The following MCF2L2 variants were observed in gnomAD, a reference collection of about 807,000 sequenced individuals.
MCF2L2 encodes the protein MCF.2 cell line derived transforming sequence-like 2, also known as probable guanine nucleotide exchange factor MCF2L2.
Under a neutral mutation model 150.2 loss-of-function variants are expected in MCF2L2, and 102 were observed. That is an observed-to-expected ratio of 0.68 (90% confidence interval 0.58 to 0.80). The LOEUF (loss-of-function observed/expected upper bound fraction) is 0.80, where lower values mean the gene tolerates loss of function less well. Among genes scored for constraint, MCF2L2 ranks in the 30% least tolerant of loss-of-function variants. MCF2L2 has a pLI of 0.00. For missense variants in MCF2L2, 1,256 were observed against 1,372.8 expected, an observed-to-expected ratio of 0.91 and a Z score of 1.34; for synonymous variants, 465 against 491.3, an observed-to-expected ratio of 0.95 and a Z score of 0.71.
At chr3:183,409,557 T>C (rs78430549) in intron 1 of MCF2L2, among the ~76,000 whole-genome samples, 21,983 of 149,404 alleles carry the variant, frequency 0.15, 1,855 homozygotes, top group South Asian at 0.22. Flanking sequence ...ATTTCTTTTT[T>C]TTTTTTTTTT....
At chr3:183,321,228 A>G (rs938385394) in intron 6 of MCF2L2, among the ~76,000 whole-genome samples, 1 of 152,258 alleles carries the variant, frequency 6.6e-6, no homozygotes, top group Admixed American at 6.5e-5. Context: ...ACTTGAGGTC[A>G]GGAGTTCAAG....
intron 15 of MCF2L2, among the ~76,000 whole-genome samples, chr3:183,265,058 C>T (rs1186989632): frequency 1.3e-5 from 2 of 152,208 alleles, no homozygotes; most frequent in African/African-American, 4.8e-5. Context: ...TCTTTGTCCT[C>T]TTCTCTCCCA....
In MCF2L2 at chr3:183,304,738, T is replaced by C. The variant is rs568153993; in HGVS notation, c.1114-4542A>G. On this transcript the variant is annotated intron_variant, in intron 10 of 29. Coordinates refer to ENST00000328913, the MANE Select transcript of MCF2L2 (RefSeq NM_015078.4). ...ATTCACCCGCCTCGGCCTCCCAAAG[T>C]GCTAGGATTACAGGCGTGAGCCACC... Among the ~76,000 whole-genome samples the C allele has an allele frequency of 2.6e-5, 4 of 151,980 alleles. No individual in the cohort carries two copies. The East Asian group carries it at 7.7e-4, about 29-fold the overall frequency.
intron 7 of MCF2L2, among the ~76,000 whole-genome samples, chr3:183,315,938 G>A (rs538251153): frequency 2.0e-5 from 3 of 152,104 alleles, no homozygotes; most frequent in Non-Finnish European, 4.4e-5. Flanking sequence ...TCTGCTCTTC[G>A]ACCTCTCCAC....
rs188196824 is a variant in MCF2L2 at position 183,197,928 on chromosome 3, A to G, written c.2885-2673T>C. 1.0e-3 allele frequency among the ~76,000 whole-genome samples: 154 copies of G among 152,320 alleles called. No homozygotes were observed. The highest frequency in any genetic ancestry group is 3.5e-3 in the African/African-American group (146 of 41,580). On this transcript the variant is annotated intron_variant, in intron 25 of 29. Coordinates refer to ENST00000328913, the MANE Select transcript of MCF2L2 (RefSeq NM_015078.4). This position sits in a 1 kb window ranked among gnomAD's most constrained non-coding sequence, Gnocchi z 4.5. ...AATCTGAAAATTTAAAAGACTGACA[A>G]TACCAAGTATTGGTGAGGACATGGC...
intron 3 of MCF2L2, chr3:183,376,708 T>G (rs1326955307): frequency 6.6e-6 from 1 of 152,182 alleles, no homozygotes; most frequent in Non-Finnish European, 1.5e-5. Context: ...CATAAATGTT[T>G]TACATGGCAC....
rs780774990 is a variant in MCF2L2, at chr3:183,379,320, C to T, written c.252G>A (p.Met84Ile). The T allele has an allele frequency of 1.2e-5, 19 of 1,610,992 alleles. No homozygotes were observed. The highest frequency in any genetic ancestry group is 1.6e-5 in the Non-Finnish European group (19 of 1,178,732). Reference sequence around the variant, plus strand: ...ACCTGGGGATGCTAGTCAGGTAGGTCATGACATTCAGGAAGTCTTCATCTG... The same window carrying T: ...ACCTGGGGATGCTAGTCAGGTAGGTTATGACATTCAGGAAGTCTTCATCTG... ...HIPDEDFLNV[M>I]TYLTSIPSVE... is the part of the protein sequence containing the mutation. The change falls in exon 3 of 30, where the codon ATG (methionine) becomes ATA (isoleucine). Residue 84 changes from methionine (M) to isoleucine (I), a missense_variant. Physicochemically the swap from Met to Ile is conservative, Grantham distance 10. Transcript: ENST00000328913.
intron 22 of MCF2L2, among the ~76,000 whole-genome samples, chr3:183,208,895 G>T (rs61658507): frequency 1.3e-5 from 2 of 152,180 alleles, no homozygotes; most frequent in African/African-American, 4.8e-5. Flanking sequence ...AACATTAAAA[G>T]AAAAACTTCA....
chr3:183,351,208 A>G (rs1467749132), intron 3 of MCF2L2, among the ~76,000 whole-genome samples: 6 of 77,282 alleles, frequency 7.8e-5, no homozygotes, highest in East Asian at 9.6e-4. Flanking sequence ...ATATATATAT[A>G]TATATATATA....
chr3:183,287,791 T>G (rs1161460394), intron 14 of MCF2L2: 7 of 152,204 alleles, frequency 4.6e-5, no homozygotes, highest in East Asian at 3.9e-4. Context: ...AAAAGTCTGC[T>G]GAGAACCCTC....
intron 15 of MCF2L2, among the ~76,000 whole-genome samples, chr3:183,232,439 T>A (rs1723601610): frequency 6.6e-6 from 1 of 152,178 alleles, no homozygotes; most frequent in Admixed American, 6.5e-5. Context: ...GTAAGGCCAG[T>A]CCCCACATCT....
chr3:183,188,855 C>T (rs1401818662), intron 27 of MCF2L2, among the ~76,000 whole-genome samples: 1 of 152,116 alleles, frequency 6.6e-6, no homozygotes, highest in Non-Finnish European at 1.5e-5. Flanking sequence ...GTAATCCCAG[C>T]TACTCGGAAG....
chr3:183,372,983 G>C (rs1712979491), intron 3 of MCF2L2: 1 of 152,202 alleles, frequency 6.6e-6, no homozygotes, highest in African/African-American at 2.4e-5. Context: ...AGGAGACTGA[G>C]GGTGACCCAA....
chr3:183,201,487 A>G (rs1722281994), intron 25 of MCF2L2, among the ~76,000 whole-genome samples: 1 of 152,276 alleles, frequency 6.6e-6, no homozygotes, highest in South Asian at 2.1e-4. Flanking sequence ...GTATACTGAG[A>G]CTTTGCTGAA....
rs192023932 is a variant in MCF2L2 at position 183,364,451 on chromosome 3, C to T, written c.275+14846G>A. On this transcript the variant is annotated intron_variant, in intron 3 of 29. Coordinates refer to ENST00000328913, the MANE Select transcript of MCF2L2 (RefSeq NM_015078.4). ...AGGAGAATGGCGTGAACCCAGGGGG[C>T]GGAGCTTGCAGTGAGCCAAGATCAC... Among the ~76,000 whole-genome samples, 68 of 151,958 alleles carry T rather than the reference C, an allele frequency of 4.5e-4. No homozygotes were observed. The East Asian group carries it at 0.012, about 26-fold the overall frequency.
intron 15 of MCF2L2, among the ~76,000 whole-genome samples, chr3:183,263,283 A>G (rs1285410946): frequency 6.6e-6 from 1 of 152,114 alleles, no homozygotes; most frequent in African/African-American, 2.4e-5. Flanking sequence ...AAATGCAGAA[A>G]TACAGTTCAC....
chr3:183,375,067 T>C (rs772435457), intron 3 of MCF2L2: 9 of 149,626 alleles, frequency 6.0e-5, no homozygotes, highest in Admixed American at 2.0e-4. Flanking sequence ...CAATATATGT[T>C]TTCAAAAAAT....
rs778958256 is a variant in MCF2L2, at chr3:183,270,147, G to A, written c.1862+6725C>T. On this transcript the variant is annotated intron_variant, in intron 15 of 29. Transcript: ENST00000328913. The surrounding 1 kb of genome is among the most constrained non-coding windows in gnomAD (Gnocchi z 4.5). ...AAGGACGTGGGGCAATGAAAATTATGTTCGGTCTCAGCTGAATGCCAACAT... is the reference window on the plus strand; with the variant it reads ...AAGGACGTGGGGCAATGAAAATTATATTCGGTCTCAGCTGAATGCCAACAT... 1 of 1,614,144 alleles carries A rather than the reference G, an allele frequency of 6.2e-7. No individual in the cohort carries two copies.
chr3:183,423,005 T>C (rs1715958009), intron 1 of MCF2L2, among the ~76,000 whole-genome samples: 1 of 152,232 alleles, frequency 6.6e-6, no homozygotes, highest in Non-Finnish European at 1.5e-5. Context: ...TAAATTTTAT[T>C]TTGCACTTTT....
Sources: gnomAD v4.1 joint callset for allele counts (sites outside exome capture counted in the v4.1 genomes callset) on GRCh38, gnomAD v4.1.1 for gene constraint, Gnocchi (gnomAD v3.1) non-coding constraint, MANE v1.5 for transcripts, NCBI Gene and HGNC (gene_info 2026-07-23, HGNC 2026-07-21) for gene names.